PCDHGA4: variants seen among roughly 807,000 people sequenced by gnomAD.
PCDHGA4 encodes the protein protocadherin gamma subfamily A, 4.
In PCDHGA4, 38 loss-of-function variants were observed where a neutral mutation model predicts 54.6. That is an observed-to-expected ratio of 0.70 (90% CI 0.54 to 0.91). The LOEUF (loss-of-function observed/expected upper bound fraction) is 0.91, where lower values mean the gene tolerates loss of function less well. PCDHGA4 is among the 40% of genes least tolerant of loss of function. PCDHGA4 has a pLI of 0.00. For missense variants in PCDHGA4, 1,298 were observed against 1,220.9 expected, an observed-to-expected ratio of 1.06 and a Z score of -0.94; for synonymous variants, 511 against 512.9, an observed-to-expected ratio of 1.00 and a Z score of 0.05.
chr5:141,415,980 T>C, intron 1 of PCDHGA4: 1 of 348,656 alleles, frequency 2.9e-6, no homozygotes, highest in Non-Finnish European at 4.8e-6. Context: ...TAAGCAACCC[T>C]CTTGTTCTGA....
chr5:141,488,292 G>A (rs961688781), intron 1 of PCDHGA4, among the ~76,000 whole-genome samples: 1 of 152,216 alleles, frequency 6.6e-6, no homozygotes, highest in African/African-American at 2.4e-5. Flanking sequence ...AAAACAGTAA[G>A]TGAAATCACT....
chr5:141,433,582 T>TCCCA (rs758953161), intron 1 of PCDHGA4, among the ~76,000 whole-genome samples: 4 of 151,942 alleles, frequency 2.6e-5, no homozygotes, highest in Non-Finnish European at 5.9e-5. Flanking sequence ...ACGCCTGTAA[T>TCCCA]CCCAGTACTT....
rs774898388 is a variant in PCDHGA4, at chr5:141,491,593, A to G, written c.2515-3214A>G. 6.8e-6 allele frequency: 11 copies of G among 1,613,918 alleles called. No individual in the cohort carries two copies. In the Admixed American group the frequency reaches 1.2e-4, roughly 17 times the overall value. Reference sequence around the variant, plus strand: ...GTGCTTTTCACCGGCCTCGGACGGCAGTGACTTCACTTTTCTAAGACCCCT... The same window carrying G: ...GTGCTTTTCACCGGCCTCGGACGGCGGTGACTTCACTTTTCTAAGACCCCT... On this transcript the variant is annotated intron_variant, in intron 1 of 3. Transcript: ENST00000571252. This position sits in a 1 kb window ranked among gnomAD's most constrained non-coding sequence, Gnocchi z 6.9.
At position 141,476,418 on chromosome 5, in the gene PCDHGA4, T is replaced by G. The variant is rs201255025; in HGVS notation, c.2515-18389T>G. ...GATCGAGAGGAGCTGTGTGGGACAC[T>G]GCCCTCTTGCACTGTAACTCTGGAG... On this transcript the variant is annotated intron_variant, in intron 1 of 3. Transcript: ENST00000571252. This position sits in a 1 kb window ranked among gnomAD's most constrained non-coding sequence, Gnocchi z 7.6. 8 of 1,614,122 alleles carry G rather than the reference T, an allele frequency of 5.0e-6. No homozygotes were observed. The highest frequency in any genetic ancestry group is 1.6e-4 in the Middle Eastern group (1 of 6,062).
At chr5:141,420,530 A>G (rs1038635436) in intron 1 of PCDHGA4, 9 of 336,858 alleles carry the variant, frequency 2.7e-5, no homozygotes, top group African/African-American at 6.4e-5. Flanking sequence ...CCTTTCGGTT[A>G]AAAATATAAA....
chr5:141,364,567 G>A (rs1034975661), intron 1 of PCDHGA4: 6 of 1,614,130 alleles, frequency 3.7e-6, no homozygotes, highest in Non-Finnish European at 5.1e-6. Flanking sequence ...CCCTGAACCC[G>A]CGAAGCGGCA....
chr5:141,421,960 CA>C, intron 1 of PCDHGA4: 1 of 1,612,526 alleles, frequency 6.2e-7, no homozygotes, highest in Admixed American at 1.7e-5. Flanking sequence ...AATGTTTACA[CA>C]GTCCGTATAT....
chr5:141,431,554 C>G lies in PCDHGA4; in HGVS notation c.2515-63253C>G. 1 of 1,614,126 alleles carries G rather than the reference C, an allele frequency of 6.2e-7. No homozygotes were observed. The highest frequency in any genetic ancestry group is 1.7e-5 in the Admixed American group (1 of 60,032). ...TGGGCACGCAGCTGCTTGTAGTCAA[C>G]GCTACCGACCCTGACGAAGGAGTCA... is the stretch of plus-strand genomic sequence containing the variant. On this transcript the variant is annotated intron_variant, in intron 1 of 3. Coordinates refer to ENST00000571252, the MANE Select transcript of PCDHGA4 (RefSeq NM_018917.4). This position sits in a 1 kb window ranked among gnomAD's most constrained non-coding sequence, Gnocchi z 4.8.
At chr5:141,360,268 T>C in intron 1 of PCDHGA4, 1 of 1,613,792 alleles carries the variant, frequency 6.2e-7, no homozygotes, top group Non-Finnish European at 8.5e-7. Context: ...GGCCAAAAAC[T>C]CGGTCGTAGG....
chr5:141,403,052 T>G (rs1336291522), intron 1 of PCDHGA4: 4 of 1,614,066 alleles, frequency 2.5e-6, no homozygotes, highest in Admixed American at 1.7e-5. Context: ...GATTCGCTAC[T>G]CAGTGCCTGA....
intron 1 of PCDHGA4, chr5:141,422,945 C>T (rs13188215): frequency 6.2e-7 from 1 of 1,614,134 alleles, no homozygotes; most frequent in Non-Finnish European, 8.5e-7. Context: ...ACAGACGGCT[C>T]CACTGGCGTG....
At chr5:141,367,536 C>CG (rs1376897976) in intron 1 of PCDHGA4, 1 of 106,510 alleles carries the variant, frequency 9.4e-6, no homozygotes, top group Admixed American at 1.0e-4. Flanking sequence ...GACTCCGTCT[C>CG]AAAATAAATA....
At chr5:141,410,085 C>T (rs533911183) in intron 1 of PCDHGA4, 29 of 1,612,476 alleles carry the variant, frequency 1.8e-5, no homozygotes, top group South Asian at 1.1e-5. Flanking sequence ...GAGGTGCGCA[C>T]GGCTCGAGCC....
At chr5:141,420,256 TAAG>T (rs749213635) in intron 1 of PCDHGA4, 12 of 1,569,010 alleles carry the variant, frequency 7.6e-6, no homozygotes, top group South Asian at 1.2e-5. Context: ...TTGAAGCAGA[TAAG>T]AAGATTCTTA....
intron 1 of PCDHGA4, among the ~76,000 whole-genome samples, chr5:141,433,534 C>T (rs2097618995): frequency 6.6e-6 from 1 of 152,088 alleles, no homozygotes; most frequent in Admixed American, 6.5e-5. Context: ...GTGCCCCGCC[C>T]TTATCAGATA....
chr5:141,366,032 C>T (rs754474451), intron 1 of PCDHGA4: 3 of 1,614,266 alleles, frequency 1.9e-6, no homozygotes, highest in South Asian at 2.2e-5. Context: ...CCCCGCCCTC[C>T]CCACAGACGG....
chr5:141,500,294 C>T (rs755761935), intron 2 of PCDHGA4, among the ~76,000 whole-genome samples: 3 of 151,732 alleles, frequency 2.0e-5, no homozygotes, highest in Non-Finnish European at 2.9e-5. Flanking sequence ...CTGCAAGCTC[C>T]GCCTCCCAGG....
chr5:141,473,665 T>C (rs1054239218), intron 1 of PCDHGA4, among the ~76,000 whole-genome samples: 1 of 152,142 alleles, frequency 6.6e-6, no homozygotes, highest in Non-Finnish European at 1.5e-5. Context: ...GTGAAGGCCC[T>C]GAGACAGGGA....
At chr5:141,390,207 C>T in intron 1 of PCDHGA4, 1 of 1,614,028 alleles carries the variant, frequency 6.2e-7, no homozygotes, top group Non-Finnish European at 8.5e-7. Flanking sequence ...GAGTTCAGGA[C>T]AAGACATACT....
Sources: gnomAD v4.1 joint callset for allele counts (sites outside exome capture counted in the v4.1 genomes callset) on GRCh38, gnomAD v4.1.1 for gene constraint, Gnocchi (gnomAD v3.1) non-coding constraint, MANE v1.5 for transcripts, NCBI Gene and HGNC (gene_info 2026-07-23, HGNC 2026-07-21) for gene names.